AHNAK2: variants seen among roughly 807,000 people sequenced by gnomAD.
AHNAK2 encodes protein AHNAK2.
AHNAK2 carries 18 observed loss-of-function variants against 30.7 expected under a neutral mutation model. The ratio of observed to expected loss-of-function variants is 0.59; its 90% CI spans 0.41 to 0.87. AHNAK2 has a LOEUF of 0.87. Among genes scored for constraint, AHNAK2 ranks in the 40% least tolerant of loss-of-function variants. AHNAK2 has a pLI of 0.00. For missense variants in AHNAK2, 8,604 were observed against 7,373.0 expected (o/e 1.17, Z -6.11); for synonymous variants, 3,590 against 3,073.8 (o/e 1.17, Z -5.56).
chr14:104,970,446 A>G (rs1441105306), intron 1 of AHNAK2: 4 of 985,266 alleles, frequency 4.1e-6, no homozygotes, highest in East Asian at 1.1e-4. Context: ...TGGACACAGG[A>G]GCCACTTACC....
At position 104,955,142 on chromosome 14, in the gene AHNAK2, CT is replaced by C. The variant is rs765014171; in HGVS notation, c.467-2del. The C allele has an allele frequency of 1.2e-6, 2 of 1,601,992 alleles. No homozygotes were observed. Among genetic ancestry groups the C allele is most frequent in the South Asian group, 2.2e-5 (2 of 90,548 alleles). On this transcript the variant is annotated splice_acceptor_variant, in intron 5 of 6. Coordinates refer to ENST00000333244, the MANE Select transcript of AHNAK2 (RefSeq NM_138420.4). LOFTEE classifies it high-confidence loss of function. ...ACGGTTGTACTGAGCAGCTGATCCC[CT>C]AGACCAAGAAAGAGCAGCCCCAGGG...
In AHNAK2 at chr14:104,949,060, C is replaced by T. The variant is rs1898492482; in HGVS notation, c.6391G>A (p.Asp2131Asn). The change falls in exon 7 of 7, where the codon GAT becomes AAT. Residue 2131 changes from aspartate (D) to asparagine (N), a missense_variant. Transcript: ENST00000333244. ...VDVQAPRAKL[D>N]SAHLQGDLTL... is the part of the protein sequence containing the mutation. ...AGGTCCCCCTGCAGATGCGCACTATCCAGCTTGGCTCTTGGGGCCTGGACG... is the reference window on the plus strand; with the variant it reads ...AGGTCCCCCTGCAGATGCGCACTATTCAGCTTGGCTCTTGGGGCCTGGACG... 1.0e-5 allele frequency: 11 copies of T among 1,068,000 alleles called. 4 individuals are homozygous for T. The highest frequency in any genetic ancestry group is 1.5e-5 in the Non-Finnish European group (11 of 733,888). 66.2% of individuals were successfully genotyped at this position (1,068,000 alleles called of 1,614,324 possible). A position where few individuals can be genotyped will look rare whatever the true frequency, so the allele number is the denominator to read the frequency against.
rs201390029 is a variant in AHNAK2, at chr14:104,951,824, A to G, written c.3627T>C (p.Thr1209=). Residue 1209 remains threonine (T), a synonymous_variant, in exon 7 of 7, where the codon ACT becomes ACC. Coordinates refer to ENST00000333244, the MANE Select transcript of AHNAK2 (RefSeq NM_138420.4). Reference sequence around the variant, plus strand: ...CGGAAGGGGGCTGAATGCTGAGGTCAGTGGTCTTGAGGTCCCCCTGCATGG... The same window carrying G: ...CGGAAGGGGGCTGAATGCTGAGGTCGGTGGTCTTGAGGTCCCCCTGCATGG... The part of the protein sequence containing the change: ...LPSMQGDLKT[T]DLSIQPPSAD... The G allele has an allele frequency of 1.3e-5, 20 of 1,569,294 alleles. 2 individuals are homozygous for G. The African/African-American group carries it at 2.5e-4, about 19-fold the overall frequency.
In AHNAK2 at chr14:104,947,305, G is replaced by C; in HGVS notation, c.8146C>G (p.Leu2716Val). 1.9e-6 allele frequency: 3 copies of C among 1,611,988 alleles called. No individual in the cohort carries two copies. Among genetic ancestry groups the C allele is most frequent in the Non-Finnish European group, 2.5e-6 (3 of 1,179,400 alleles). ...EVQAGQVDVK[L>V]PEGHVPEGAG... The stretch of plus-strand genomic sequence containing the variant: ...CCCTCGGGAACGTGGCCCTCTGGGA[G>C]TTTCACATCCACCTGGCCAGCCTGG... The change falls in exon 7 of 7, where the codon CTC becomes GTC. Residue 2716 changes from leucine (L) to valine (V), a missense_variant. Coordinates refer to ENST00000333244, the MANE Select transcript of AHNAK2 (RefSeq NM_138420.4).
chr14:104,948,530 G>A lies in AHNAK2; in HGVS notation c.6921C>T (p.Ala2307=), dbSNP rs371055644. The A allele has an allele frequency of 7.6e-5, 123 of 1,609,170 alleles. No individual in the cohort carries two copies. The highest frequency in any genetic ancestry group is 1.5e-4 in the African/African-American group (11 of 73,382). ...GARLEGDMSL[A]DKDVTAKDSK... ...TGTCTTTGGCAGTCACGTCCTTGTC[G>A]GCCAGGGACATGTCCCCCTCCAGCC... Residue 2307 remains alanine, a synonymous_variant, in exon 7 of 7, where the codon GCC becomes GCT. Coordinates refer to ENST00000333244, the MANE Select transcript of AHNAK2 (RefSeq NM_138420.4).
rs773979750 is a variant in AHNAK2 at position 104,951,924 on chromosome 14, G to A, written c.3527C>T (p.Ser1176Leu). Reference protein sequence around the residue: ...PKFKMPSFGASAPGKSIEASV... With the variant: ...PKFKMPSFGALAPGKSIEASV... ...GGCCTCGATGGACTTGCCTGGGGCTGACGCCCCGAACGATGGCATCTTGAA... is the reference window on the plus strand; with the variant it reads ...GGCCTCGATGGACTTGCCTGGGGCTAACGCCCCGAACGATGGCATCTTGAA... The change falls in exon 7 of 7, where the codon TCA becomes TTA. Residue 1176 changes from serine to leucine, a missense_variant. Physicochemically the swap from Ser to Leu is moderately radical, Grantham distance 145 (BLOSUM62 -2). Coordinates refer to ENST00000333244, the MANE Select transcript of AHNAK2 (RefSeq NM_138420.4). The A allele has an allele frequency of 1.8e-5, 29 of 1,609,822 alleles. 1 individual carries two copies. The African/African-American group carries it at 3.9e-4, about 22-fold the overall frequency.
Position 104,951,977 on chromosome 14 carries a change from G to A in AHNAK2, c.3474C>T (p.Ala1158=), listed in dbSNP as rs750501878. 7 of 1,612,276 alleles carry A rather than the reference G, an allele frequency of 4.3e-6. No homozygotes were observed. Among genetic ancestry groups the A allele is most frequent in the Non-Finnish European group, 5.9e-6 (7 of 1,179,480 alleles). ...TGGGCATTTTGAACCTGCTGTCTTT[G>A]GCAGTCACATCCTTGTCGGCCAGGG... The part of the protein sequence containing the change: ...ELSLADKDVT[A]KDSRFKMPKF... The change falls in exon 7 of 7, where the codon GCC becomes GCT. Residue 1158 remains alanine, a synonymous_variant. Coordinates refer to ENST00000333244, the MANE Select transcript of AHNAK2 (RefSeq NM_138420.4).
Position 104,948,486 on chromosome 14 carries a change from T to C in AHNAK2, c.6965A>G (p.Lys2322Arg), listed in dbSNP as rs372899409. 2.3e-4 allele frequency: 369 copies of C among 1,610,390 alleles called. 1 individual carries two copies. The highest frequency in any genetic ancestry group is 2.8e-4 in the Non-Finnish European group (332 of 1,178,608). ...TAKDSKFKMP[K>R]FKMLSFGVSA... ...CACCCCAAACGACAGCATCTTGAAC[T>C]TGGGCATTTTGAACTTGCTGTCTTT... The change falls in exon 7 of 7, where the codon AAG becomes AGG. Residue 2322 changes from lysine (K) to arginine (R), a missense_variant. Lys to Arg is a conservative substitution (Grantham distance 26). Transcript: ENST00000333244.
chr14:104,967,259 G>C (rs1235666944), intron 1 of AHNAK2, among the ~76,000 whole-genome samples: 3 of 151,886 alleles, frequency 2.0e-5, no homozygotes, highest in African/African-American at 7.3e-5. Flanking sequence ...TGGGTTGGGG[G>C]TGGGGGGCAG....
In AHNAK2 at chr14:104,945,491, C is replaced by T. The variant is rs757511004; in HGVS notation, c.9960G>A (p.Ala3320=). The part of the protein sequence containing the change: ...MPKFKMPSYR[A]SAPGKSIQAS... ...CCTGGATGGACTTGCCTGGGGCAGACGCCCTGTACGACGGCATCTTGAATT... is the reference window on the plus strand; with the variant it reads ...CCTGGATGGACTTGCCTGGGGCAGATGCCCTGTACGACGGCATCTTGAATT... The change falls in exon 7 of 7, where the codon GCG becomes GCA. Residue 3320 remains alanine (A), a synonymous_variant. Coordinates refer to ENST00000333244, the MANE Select transcript of AHNAK2 (RefSeq NM_138420.4). 5.1e-5 allele frequency: 82 copies of T among 1,613,292 alleles called. No homozygotes were observed. Among genetic ancestry groups the T allele is most frequent in the South Asian group, 4.6e-4 (42 of 91,040 alleles).
chr14:104,948,340 G>A lies in AHNAK2; in HGVS notation c.7111C>T (p.Pro2371Ser). The stretch of plus-strand genomic sequence containing the variant: ...GCCTGGACCTCCAGGTCAGCGGAAG[G>A]GGGCTGAACGCTGAGGTCAGTGGTC... Reference protein sequence around the residue: ...LKTTDLSVQPPSADLEVQAGQ... With the variant: ...LKTTDLSVQPSSADLEVQAGQ... The change falls in exon 7 of 7, where the codon CCT becomes TCT. Residue 2371 changes from proline to serine, a missense_variant. By Grantham distance (74) the Pro-to-Ser change is moderately conservative (BLOSUM62 -1). Coordinates refer to ENST00000333244, the MANE Select transcript of AHNAK2 (RefSeq NM_138420.4). 1 of 1,612,820 alleles carries A rather than the reference G, an allele frequency of 6.2e-7. No homozygotes were observed. The highest frequency in any genetic ancestry group is 8.5e-7 in the Non-Finnish European group (1 of 1,179,622).
chr14:104,947,626 T>A lies in AHNAK2; in HGVS notation c.7825A>T (p.Met2609Leu). 2 of 1,610,358 alleles carry A rather than the reference T, an allele frequency of 1.2e-6. No homozygotes were observed. The highest frequency in any genetic ancestry group is 1.7e-6 in the Non-Finnish European group (2 of 1,178,716). Reference protein sequence around the residue: ...KAEVTAPDVEMSLSSMEVDVQ... With the variant: ...KAEVTAPDVELSLSSMEVDVQ... ...TCCACCTCCATGCTGGACAGAGACA[T>A]CTCCACATCGGGGGCTGTCACTTCC... is the stretch of plus-strand genomic sequence containing the variant. Residue 2609 changes from methionine (M) to leucine (L), a missense_variant, in exon 7 of 7, where the codon ATG becomes TTG. By Grantham distance (15) the Met-to-Leu change is conservative. Transcript: ENST00000333244.
chr14:104,940,016 C>T lies in AHNAK2; in HGVS notation c.15435G>A (p.Gln5145=). ...GCGLGDVPVS[Q]PCGEGIAPTP... ...TGGGGGCTATCCCCTCCCCACAAGG[C>T]TGGCTCACTGGGACATCCCCGAGCC... Residue 5145 remains glutamine, a synonymous_variant, in exon 7 of 7, where the codon CAG becomes CAA. Coordinates refer to ENST00000333244, the MANE Select transcript of AHNAK2 (RefSeq NM_138420.4). This position sits in a 1 kb window ranked among gnomAD's most constrained non-coding sequence, Gnocchi z 4.4. 2 of 1,611,090 alleles carry T rather than the reference C, an allele frequency of 1.2e-6. No homozygotes were observed. Among genetic ancestry groups the T allele is most frequent in the Non-Finnish European group, 1.7e-6 (2 of 1,178,410 alleles).
Position 104,946,969 on chromosome 14 carries a change from G to A in AHNAK2, c.8482C>T (p.Pro2828Ser). Residue 2828 changes from proline (P) to serine (S), a missense_variant, in exon 7 of 7, where the codon CCA (proline) becomes TCA (serine). By Grantham distance (74) the Pro-to-Ser change is moderately conservative (BLOSUM62 -1). Coordinates refer to ENST00000333244, the MANE Select transcript of AHNAK2 (RefSeq NM_138420.4). ...ACCGAGGCCTCGATGGACTTGCCTG[G>A]GGCCGACACCCCGAATGACGGCATC... ...FKMPSFGVSA[P>S]GKSIEASVDV... is the part of the protein sequence containing the mutation. 1.2e-6 allele frequency: 2 copies of A among 1,612,620 alleles called. No individual in the cohort carries two copies. The highest frequency in any genetic ancestry group is 1.7e-5 in the Admixed American group (1 of 59,884).
intron 1 of AHNAK2, among the ~76,000 whole-genome samples, chr14:104,969,069 T>G (rs560475883): frequency 3.3e-5 from 5 of 152,222 alleles, no homozygotes; most frequent in Admixed American, 3.3e-4. Context: ...CTGAGCAACA[T>G]CCCCCGCCCC....
Position 104,955,568 on chromosome 14 carries a change from A to C in AHNAK2, c.381T>G (p.Ser127Arg). Residue 127 changes from serine (S) to arginine (R), a missense_variant, in exon 5 of 7, where the codon AGT becomes AGG. Coordinates refer to ENST00000333244, the MANE Select transcript of AHNAK2 (RefSeq NM_138420.4). ...TCCCCTGGTCCCCACCACCTGTGAC[A>C]CTGTAGCCACTGGCTCCTGCCTCCA... ...TEVEAGASGY[S>R]VTGGGDQGIF... 6.2e-7 allele frequency: 1 copy of C among 1,613,568 alleles called. No individual in the cohort carries two copies. The highest frequency in any genetic ancestry group is 8.5e-7 in the Non-Finnish European group (1 of 1,179,780).
Position 104,954,828 on chromosome 14 carries a change from G to A in AHNAK2, c.652-29C>T. 1 of 1,543,242 alleles carries A rather than the reference G, an allele frequency of 6.5e-7. No individual in the cohort carries two copies. The highest frequency in any genetic ancestry group is 1.3e-5 in the South Asian group (1 of 79,674). On this transcript the variant is annotated intron_variant, in intron 6 of 6. Coordinates refer to ENST00000333244, the MANE Select transcript of AHNAK2 (RefSeq NM_138420.4). The surrounding 1 kb of genome is among the most constrained non-coding windows in gnomAD (Gnocchi z 4.3). ...AAACATAGGGAGAGGGAATCTGTTG[G>A]TGCCAGTCCAAGAAGCCTGGGGCCC...
Position 104,942,832 on chromosome 14 carries a change from G to A in AHNAK2, c.12619C>T (p.Pro4207Ser), listed in dbSNP as rs759197011. Reference protein sequence around the residue: ...VDVKLPEGPLPKGAGLKGHLP... With the variant: ...VDVKLPEGPLSKGAGLKGHLP... Reference sequence around the variant, plus strand: ...TGCCCTTTGAGGCCGGCTCCCTTGGGCAGGGGGCCCTCCGGGAGTTTCACG... The same window carrying A: ...TGCCCTTTGAGGCCGGCTCCCTTGGACAGGGGGCCCTCCGGGAGTTTCACG... Residue 4207 changes from proline to serine, a missense_variant, in exon 7 of 7, where the codon CCC becomes TCC. Transcript: ENST00000333244. The A allele has an allele frequency of 1.3e-5, 21 of 1,612,762 alleles. No individual in the cohort carries two copies. The East Asian group carries it at 1.3e-4, about 10-fold the overall frequency.
chr14:104,966,171 G>A lies in AHNAK2; in HGVS notation c.56-8499C>T, dbSNP rs1414694824. ...AGAGAAGGGCAGGAGGTGAGGGCAGGCAGGGCTGGGTCAGTGCCAGGAGGC... is the reference window on the plus strand; with the variant it reads ...AGAGAAGGGCAGGAGGTGAGGGCAGACAGGGCTGGGTCAGTGCCAGGAGGC... On this transcript the variant is annotated intron_variant, in intron 1 of 6. Transcript: ENST00000333244. The surrounding 1 kb of genome is among the most constrained non-coding windows in gnomAD (Gnocchi z 4.3). Among the ~76,000 whole-genome samples, 2 of 152,150 alleles carry A rather than the reference G, an allele frequency of 1.3e-5. No individual in the cohort carries two copies. The highest frequency in any genetic ancestry group is 4.8e-5 in the African/African-American group (2 of 41,422).
Sources: allele counts gnomAD v4.1 joint callset (sites outside exome capture counted in the v4.1 genomes callset), GRCh38; gene constraint gnomAD v4.1.1; non-coding constraint Gnocchi (gnomAD v3.1); transcripts MANE v1.5; gene names NCBI Gene and HGNC (gene_info 2026-07-23, HGNC 2026-07-21).